Variants in P2RX6 observed in about 807,000 individuals in gnomAD.
P2RX6 encodes the protein purinergic receptor P2X 6.
In P2RX6, 62 loss-of-function variants were observed where a neutral mutation model predicts 54.2. The ratio of observed to expected loss-of-function variants is 1.14; its 90% confidence interval spans 0.93 to 1.41. The LOEUF (loss-of-function observed/expected upper bound fraction) is 1.41. Ranked by LOEUF, P2RX6 falls within the 40% of genes most tolerant of loss-of-function variation. P2RX6 has a pLI of 0.00. For missense variants in P2RX6, 541 were observed against 566.3 expected, an observed-to-expected ratio of 0.96 and a Z score of 0.45; for synonymous variants, 211 against 231.9, an observed-to-expected ratio of 0.91 and a Z score of 0.82.
chr22:21,009,910 G>C (rs1925644385), intron 1 of P2RX6: 1 of 152,330 alleles, frequency 6.6e-6, no homozygotes, highest in Admixed American at 6.5e-5. Context: ...TCTTTACTCA[G>C]ACACTTCTAG....
intron 6 of P2RX6, 29 bp downstream of exon 6, chr22:21,023,227 AG>A: frequency 4.3e-6 from 7 of 1,613,894 alleles, no homozygotes; most frequent in Non-Finnish European, 5.9e-6. Flanking sequence ...ATCTGCCCCA[AG>A]ACCCTCCTTG....
chr22:21,026,815 G>A lies in P2RX6; in HGVS notation c.*198G>A, dbSNP rs973817611. 3 of 1,121,708 alleles carry A rather than the reference G, an allele frequency of 2.7e-6. No individual in the cohort carries two copies. The highest frequency in any genetic ancestry group is 3.7e-6 in the Non-Finnish European group (3 of 815,120). 69.5% of individuals were successfully genotyped at this position (1,121,708 alleles called of 1,614,324 possible). ...GAAGTCGGCTGTGTTTTGAGACGGC[G>A]ACAGAACCTGACCCGTGGAGACTGG... On this transcript the variant is annotated 3_prime_UTR_variant, in exon 12 of 12. Transcript: ENST00000413302. This position sits in a 1 kb window ranked among gnomAD's most constrained non-coding sequence, Gnocchi z 4.0.
chr22:21,025,371 C>G (rs909926669), intron 8 of P2RX6, among the ~76,000 whole-genome samples: 6 of 152,046 alleles, frequency 3.9e-5, no homozygotes, highest in African/African-American at 1.4e-4. Flanking sequence ...CCCAGCCCTT[C>G]GAAACCACGT....
intron 8 of P2RX6, 83 bp downstream of exon 8, chr22:21,023,701 C>A (rs1927899965): frequency 2.0e-6 from 2 of 989,684 alleles, no homozygotes; most frequent in African/African-American, 1.6e-5. Flanking sequence ...ACACCCAGGC[C>A]CAGGCCTCTA....
upstream of P2RX6, among the ~76,000 whole-genome samples, chr22:21,013,618 G>A (rs1161980542): frequency 6.6e-6 from 1 of 152,236 alleles, no homozygotes; most frequent in East Asian, 1.9e-4. Context: ...CTCACAGCTA[G>A]TGGTAGCTAA....
chr22:21,022,465 G>T (rs1001411137), intron 3 of P2RX6, among the ~76,000 whole-genome samples: 12 of 152,120 alleles, frequency 7.9e-5, no homozygotes, highest in African/African-American at 2.7e-4. Flanking sequence ...GCATTGCTCC[G>T]CTCCCTCCTC....
upstream of P2RX6, among the ~76,000 whole-genome samples, chr22:21,010,590 G>C (rs1925684573): frequency 3.9e-5 from 6 of 152,056 alleles, no homozygotes; most frequent in Non-Finnish European, 1.5e-5. Flanking sequence ...GGTTCAGCAG[G>C]TCCAGGGTCA....
At position 21,016,096 on chromosome 22, in the gene P2RX6, G is replaced by A; in HGVS notation, c.315+4G>A. On this transcript the variant is annotated splice_donor_region_variant and intron_variant, in intron 2 of 11. Coordinates refer to ENST00000413302, the MANE Select transcript of P2RX6 (RefSeq NM_005446.5). ...CGACTTCGTGAAGCCACCTCAGGTG[G>A]GGGCCCTGATGTTGCTGACGGGGGC... The A allele has an allele frequency of 6.4e-7, 1 of 1,560,242 alleles. No homozygotes were observed. The highest frequency in any genetic ancestry group is 1.2e-5 in the South Asian group (1 of 84,612).
upstream of P2RX6, chr22:21,014,291 G>A (rs1018544078): frequency 9.2e-5 from 14 of 152,672 alleles, no homozygotes; most frequent in African/African-American, 3.1e-4. Flanking sequence ...GCGACCCGGG[G>A]ATGTGGGCGG....
Position 21,026,191 on chromosome 22 carries a change from G to T in P2RX6, c.1051-61G>T. ...CACATTGAGTCTCGGGGTGCAGGCT[G>T]GGGAGGTGGCAGGAGAGCAGGCTCG... On this transcript the variant is annotated intron_variant, in intron 10 of 11. Transcript: ENST00000413302. This position sits in a 1 kb window ranked among gnomAD's most constrained non-coding sequence, Gnocchi z 4.0. The T allele has an allele frequency of 6.5e-7, 1 of 1,539,244 alleles. No individual in the cohort carries two copies.
intron 1 of P2RX6, 130 bp downstream of exon 1, chr22:21,015,468 C>A: frequency 1.7e-6 from 1 of 591,434 alleles, no homozygotes; most frequent in Non-Finnish European, 2.6e-6. Flanking sequence ...CAGATTGGGA[C>A]GGGGTTGGGG....
chr22:21,022,311 C>G (rs920739799), intron 3 of P2RX6, among the ~76,000 whole-genome samples: 51 of 152,212 alleles, frequency 3.4e-4, no homozygotes, highest in Non-Finnish European at 4.4e-4. Flanking sequence ...GAGGGCGAGG[C>G]TGTAGTGAGC....
chr22:21,024,907 T>G (rs1928151618), intron 8 of P2RX6, among the ~76,000 whole-genome samples: 1 of 120,640 alleles, frequency 8.3e-6, no homozygotes, highest in Admixed American at 9.8e-5. Context: ...TTAGATGAAG[T>G]TTTGCTCTTG....
intron 3 of P2RX6, chr22:21,018,529 C>T (rs899917788): frequency 4.9e-6 from 1 of 202,800 alleles, no homozygotes; most frequent in African/African-American, 2.3e-5. Flanking sequence ...ATTAATATGT[C>T]CTGAGGCAGC....
upstream of P2RX6, among the ~76,000 whole-genome samples, chr22:21,012,130 C>G (rs1480937001): frequency 1.3e-5 from 2 of 152,184 alleles, no homozygotes; most frequent in Admixed American, 6.5e-5. Flanking sequence ...GTGGCAGAGA[C>G]AGCATTTGGA....
In P2RX6 at chr22:21,026,353, GACCC is replaced by G; in HGVS notation, c.1128+25_1128+28del. 1 of 1,593,426 alleles carries G rather than the reference GACCC, an allele frequency of 6.3e-7. No homozygotes were observed. The highest frequency in any genetic ancestry group is 2.3e-5 in the East Asian group (1 of 44,154). ...AGGTGAGCTGAGGTCGCTCTGCTTG[GACCC>G]TGGGTTCTGCCACACTTAGGAAGAT... On this transcript the variant is annotated intron_variant, in intron 11 of 11. Coordinates refer to ENST00000413302, the MANE Select transcript of P2RX6 (RefSeq NM_005446.5). The surrounding 1 kb of genome is among the most constrained non-coding windows in gnomAD (Gnocchi z 4.0).
chr22:21,020,552 G>T (rs76622636), intron 3 of P2RX6, among the ~76,000 whole-genome samples: 5,356 of 151,876 alleles, frequency 0.035, 326 homozygotes, highest in African/African-American at 0.12. Flanking sequence ...TGTAGGTGGG[G>T]GACCTAGGGC....
Position 21,023,302 on chromosome 22 carries a change from C to T in P2RX6, c.666C>T (p.Pro222=), listed in dbSNP as rs1354579505. The part of the protein sequence containing the change: ...SKSNALETWD[P]TYFKHCRYEP... ...CCAATGCCTTGGAGACCTGGGACCCCACCTATTTTAAGCACTGCCGCTATG... is the reference window on the plus strand; with the variant it reads ...CCAATGCCTTGGAGACCTGGGACCCTACCTATTTTAAGCACTGCCGCTATG... Residue 222 remains proline (P), a synonymous_variant, in exon 7 of 12, where the codon CCC becomes CCT. Coordinates refer to ENST00000413302, the MANE Select transcript of P2RX6 (RefSeq NM_005446.5). The T allele has an allele frequency of 1.9e-6, 3 of 1,613,830 alleles. No individual in the cohort carries two copies. The highest frequency in any genetic ancestry group is 1.7e-5 in the Admixed American group (1 of 60,002).
chr22:21,010,842 C>T (rs1040815853), upstream of P2RX6, among the ~76,000 whole-genome samples: 1 of 152,020 alleles, frequency 6.6e-6, no homozygotes, highest in Admixed American at 6.6e-5. Context: ...CCACGCTTCC[C>T]TGGCTCCCTA....
Sources: allele counts gnomAD v4.1 joint callset (sites outside exome capture counted in the v4.1 genomes callset), GRCh38; gene constraint gnomAD v4.1.1; non-coding constraint Gnocchi (gnomAD v3.1); transcripts MANE v1.5; gene names NCBI Gene and HGNC (gene_info 2026-07-23, HGNC 2026-07-21).